Variants in SNURF observed in about 807,000 individuals in gnomAD.
The protein encoded by SNURF is SNRPN upstream open reading frame, also known as SNURF protein.
Under a neutral mutation model 11.6 loss-of-function variants are expected in SNURF, and 6 were observed. The ratio of observed to expected loss-of-function variants is 0.52; its 90% CI spans 0.28 to 1.02. The LOEUF (loss-of-function observed/expected upper bound fraction) is 1.02. Ranked by LOEUF, SNURF falls within the 50% of genes least tolerant of loss-of-function variation. SNURF has a pLI of 0.09. For missense variants in SNURF, 84 were observed against 88.4 expected (o/e 0.95, Z 0.20); for synonymous variants, 29 against 31.6 (o/e 0.92, Z 0.27).
downstream of SNURF, among the ~76,000 whole-genome samples, chr15:24,973,301 G>C (rs546557861): frequency 1.5e-4 from 23 of 152,194 alleles, no homozygotes; most frequent in Non-Finnish European, 2.5e-4. Context: ...AGTAGACTCT[G>C]TGTATCCTCT....
chr15:24,971,900 A>T (rs1055888073), downstream of SNURF, among the ~76,000 whole-genome samples: 5 of 152,196 alleles, frequency 3.3e-5, no homozygotes, highest in Non-Finnish European at 5.9e-5. Context: ...GCTCATTCAC[A>T]GTCATGATCC....
intron 1 of SNURF, among the ~76,000 whole-genome samples, chr15:24,957,847 T>TGTAGG (rs1273767343): frequency 3.3e-5 from 5 of 152,194 alleles, no homozygotes; most frequent in Non-Finnish European, 7.3e-5. Context: ...TCCGCCATTT[T>TGTAGG]GTAGTCTTGC....
At chr15:24,965,411 C>T (rs1352098637) in intron 2 of SNURF, among the ~76,000 whole-genome samples, 1 of 152,076 alleles carries the variant, frequency 6.6e-6, no homozygotes, top group Admixed American at 6.6e-5. Context: ...GTAGTGTGCA[C>T]CTGTAATCCC....
At chr15:24,957,952 A>G (rs1167435291) in intron 1 of SNURF, among the ~76,000 whole-genome samples, 1 of 152,082 alleles carries the variant, frequency 6.6e-6, no homozygotes, top group African/African-American at 2.4e-5. Context: ...GCTCTGTGCT[A>G]GGGCTTTTTG....
downstream of SNURF, among the ~76,000 whole-genome samples, chr15:24,970,757 C>G (rs1158816754): frequency 1.3e-5 from 2 of 152,114 alleles, no homozygotes; most frequent in East Asian, 3.8e-4. Context: ...CTGATGGCCA[C>G]TAAAAATTAG....
intron 2 of SNURF, among the ~76,000 whole-genome samples, chr15:24,964,037 G>GA (rs577352737): frequency 1.3e-5 from 2 of 149,812 alleles, no homozygotes; most frequent in South Asian, 2.1e-4. Context: ...GTCTCAAAAA[G>GA]AAAAAAAAAG....
chr15:24,965,663 T>C (rs1041626361), intron 2 of SNURF, among the ~76,000 whole-genome samples: 7 of 152,282 alleles, frequency 4.6e-5, no homozygotes, highest in Admixed American at 1.3e-4. Context: ...CGAAGGGAAA[T>C]TGGAAATTGG....
chr15:24,976,173 CTTGT>C (rs2077040011), intron 4 of SNURF: 1 of 708,874 alleles, frequency 1.4e-6, no homozygotes, highest in East Asian at 2.7e-5. Context: ...TATTTTTTGG[CTTGT>C]TTTTCAGTGA....
At chr15:24,958,574 C>G (rs955720396) in intron 1 of SNURF, among the ~76,000 whole-genome samples, 2 of 137,778 alleles carry the variant, frequency 1.5e-5, no homozygotes, top group Admixed American at 8.0e-5. Flanking sequence ...CTGCTAGACT[C>G]AAGCTATATC....
intron 1 of SNURF, among the ~76,000 whole-genome samples, chr15:24,956,565 C>T (rs139563936): frequency 6.5e-4 from 99 of 152,300 alleles, no homozygotes; most frequent in African/African-American, 2.2e-3. Context: ...AGGTGACAGT[C>T]GCCTCCGCTT....
chr15:24,956,464 G>A (rs1173134899), intron 1 of SNURF, among the ~76,000 whole-genome samples: 1 of 152,162 alleles, frequency 6.6e-6, no homozygotes, highest in Non-Finnish European at 1.5e-5. Flanking sequence ...TTAGGGTGCA[G>A]TGGTAAGGAG....
intron 1 of SNURF, among the ~76,000 whole-genome samples, chr15:24,960,768 G>A: frequency 6.6e-6 from 1 of 152,074 alleles, no homozygotes; most frequent in East Asian, 1.9e-4. Context: ...TACATATTCT[G>A]GATACCAAAC....
chr15:24,977,955 T>TAGA, downstream of SNURF: 3 of 1,507,174 alleles, frequency 2.0e-6, no homozygotes, highest in Non-Finnish European at 2.7e-6. Context: ...CTTGAATCTC[T>TAGA]GATGAGAGAT....
At chr15:24,960,244 G>A (rs764225362) in intron 1 of SNURF, among the ~76,000 whole-genome samples, 1 of 152,130 alleles carries the variant, frequency 6.6e-6, no homozygotes, top group African/African-American at 2.4e-5. Context: ...ACATTTTTAG[G>A]AAGTTGGCAA....
chr15:24,969,559 T>A (rs546664757), downstream of SNURF, among the ~76,000 whole-genome samples: 4 of 152,196 alleles, frequency 2.6e-5, no homozygotes, highest in Non-Finnish European at 5.9e-5. Flanking sequence ...AGCTTTTCCC[T>A]TGAGTAAGGG....
chr15:24,958,501 T>G (rs994157182), intron 1 of SNURF, among the ~76,000 whole-genome samples: 4 of 134,296 alleles, frequency 3.0e-5, no homozygotes, highest in African/African-American at 8.6e-5. Context: ...TTTTTTTTTT[T>G]TTTTTTTTTT....
chr15:24,955,360 A>C (rs1489914848), intron 1 of SNURF, among the ~76,000 whole-genome samples: 2 of 151,680 alleles, frequency 1.3e-5, no homozygotes, highest in East Asian at 3.9e-4. Context: ...GACTGGGAGC[A>C]TGCGGGGTAA....
intron 3 of SNURF, chr15:24,975,101 G>A (rs1476059741): frequency 3.1e-6 from 2 of 637,768 alleles, no homozygotes; most frequent in Non-Finnish European, 5.6e-6. Context: ...TTTAGAGCAT[G>A]CATCGTCACA....
At chr15:24,962,343 A>G (rs2074964757) in intron 2 of SNURF, 134 bp downstream of exon 2, 1 of 735,294 alleles carries the variant, frequency 1.4e-6, no homozygotes, top group African/African-American at 1.8e-5. Flanking sequence ...AGATGTAGTA[A>G]AAAAGCAATG....
Sources: allele counts gnomAD v4.1 joint callset (sites outside exome capture counted in the v4.1 genomes callset), GRCh38; gene constraint gnomAD v4.1.1; transcripts MANE v1.5; gene names NCBI Gene and HGNC (gene_info 2026-07-23, HGNC 2026-07-21).